Variants in SUSD1 observed in about 807,000 individuals in gnomAD.
The protein encoded by SUSD1 is sushi domain containing 1.
Under a neutral mutation model 86.9 loss-of-function variants are expected in SUSD1, and 65 were observed. That is an observed-to-expected ratio of 0.75 (90% CI 0.61 to 0.92). The LOEUF (loss-of-function observed/expected upper bound fraction) is 0.92, where lower values mean the gene tolerates loss of function less well. Ranked by LOEUF, SUSD1 falls within the 40% of genes least tolerant of loss-of-function variation. The pLI is 0.00. For synonymous variants in SUSD1, 346 were observed against 350.0 expected, an observed-to-expected ratio of 0.99 and a Z score of 0.13; for missense variants, 850 against 929.7, an observed-to-expected ratio of 0.91 and a Z score of 1.11.
At chr9:112,140,742 A>G (rs1278589156) in intron 5 of SUSD1, among the ~76,000 whole-genome samples, 1 of 152,192 alleles carries the variant, frequency 6.6e-6, no homozygotes, top group Non-Finnish European at 1.5e-5. Flanking sequence ...TCATTTAACA[A>G]TCTGCATACA....
intron 10 of SUSD1, among the ~76,000 whole-genome samples, chr9:112,082,879 G>A (rs1357336407): frequency 2.0e-5 from 3 of 151,790 alleles, no homozygotes; most frequent in East Asian, 1.9e-4. Context: ...CACCACGTCC[G>A]GCTTATTTTT....
intron 12 of SUSD1, among the ~76,000 whole-genome samples, chr9:112,070,861 A>G (rs1369079993): frequency 6.6e-6 from 1 of 152,274 alleles, no homozygotes; most frequent in African/African-American, 2.4e-5. Context: ...ATGGATGGTC[A>G]GTAGTTCCAA....
intron 9 of SUSD1, among the ~76,000 whole-genome samples, chr9:112,101,330 C>T (rs1830627095): frequency 6.6e-6 from 1 of 152,050 alleles, no homozygotes; most frequent in South Asian, 2.1e-4. Context: ...TCCCTGCACT[C>T]CAACCTGGGT....
chr9:112,175,068 CAG>C lies in SUSD1; in HGVS notation c.103+63_103+64del, dbSNP rs904275390. The C allele has an allele frequency of 3.5e-5, 35 of 993,482 alleles. No individual in the cohort carries two copies. The African/African-American group carries it at 5.6e-4, about 16-fold the overall frequency. The allele number at this position is 993,482 out of a possible 1,614,324, so 61.5% of individuals were successfully genotyped here. A position where few individuals can be genotyped will look rare whatever the true frequency, so the allele number is the denominator to read the frequency against. On this transcript the variant is annotated intron_variant, in intron 1 of 16. Coordinates refer to ENST00000374270, the MANE Select transcript of SUSD1 (RefSeq NM_022486.5). The surrounding 1 kb of genome is among the most constrained non-coding windows in gnomAD (Gnocchi z 4.7). ...AGGGGCGGGGAAGCGTCCGTGCGCCCAGAGTCCTCGAGGCCCAGCCGGGGGCC... is the reference window on the plus strand; with the variant it reads ...AGGGGCGGGGAAGCGTCCGTGCGCCCAGTCCTCGAGGCCCAGCCGGGGGCC...
At chr9:112,136,435 T>G (rs1832268931) in intron 5 of SUSD1, among the ~76,000 whole-genome samples, 1 of 152,150 alleles carries the variant, frequency 6.6e-6, no homozygotes, top group African/African-American at 2.4e-5. Flanking sequence ...GGTCTCACTA[T>G]GTTTTCCGGG....
chr9:112,120,369 A>G (rs574820664), intron 6 of SUSD1, among the ~76,000 whole-genome samples: 1 of 152,290 alleles, frequency 6.6e-6, no homozygotes, highest in Admixed American at 6.5e-5. Context: ...TAACAAGTGA[A>G]AAACAGGGAA....
At chr9:112,055,546 C>T (rs772310210) in intron 14 of SUSD1, among the ~76,000 whole-genome samples, 4 of 152,146 alleles carry the variant, frequency 2.6e-5, no homozygotes, top group Non-Finnish European at 4.4e-5. Context: ...GGAAGCCCTA[C>T]GCACTGCTGG....
At position 112,142,263 on chromosome 9, in the gene SUSD1, T is replaced by C. The variant is rs1453635755; in HGVS notation, c.706+57A>G. The C allele has an allele frequency of 1.5e-5, 21 of 1,375,180 alleles. No homozygotes were observed. The East Asian group carries it at 5.1e-4, about 33-fold the overall frequency. The allele number at this position is 1,375,180 out of a possible 1,614,324, so 85.2% of individuals were successfully genotyped here. On this transcript the variant is annotated intron_variant, in intron 5 of 16. Transcript: ENST00000374270. ...CCTGAAACTGAAATTTAGAGAAAAA[T>C]ATGAAAACAGTTTCAAGGTGGTATG...
intron 1 of SUSD1, among the ~76,000 whole-genome samples, chr9:112,171,166 G>C (rs1834031213): frequency 6.6e-6 from 1 of 152,186 alleles, no homozygotes; most frequent in South Asian, 2.1e-4. Flanking sequence ...AGAAAAGCCA[G>C]ATATGGCCCT....
In SUSD1 at chr9:112,124,311, T is replaced by C. The variant is rs1326722514; in HGVS notation, c.832A>G (p.Thr278Ala). Residue 278 changes from threonine to alanine, a missense_variant, in exon 6 of 17, where the codon ACT becomes GCT. Transcript: ENST00000374270. ...EGFESPGGKI[T>A]SVCTEKGTWR... ...GTGCCTTTCTCTGTGCAAACAGAAG[T>C]GATCTTTCCTCCAGGGCTCTCAAAG... 6.2e-7 allele frequency: 1 copy of C among 1,614,138 alleles called. No homozygotes were observed. Among genetic ancestry groups the C allele is most frequent in the Admixed American group, 1.7e-5 (1 of 60,016 alleles).
At chr9:112,173,882 T>G (rs941995336) in intron 1 of SUSD1, 4 of 289,404 alleles carry the variant, frequency 1.4e-5, no homozygotes, top group Non-Finnish European at 2.7e-5. Context: ...CTTTAAAAGA[T>G]TCGTATCTTT....
At chr9:112,120,952 C>T (rs990672692) in intron 6 of SUSD1, among the ~76,000 whole-genome samples, 1 of 152,234 alleles carries the variant, frequency 6.6e-6, no homozygotes, top group Non-Finnish European at 1.5e-5. Context: ...GGGAATACTT[C>T]CCCAAACATT....
intron 10 of SUSD1, among the ~76,000 whole-genome samples, chr9:112,086,191 G>C (rs1458956313): frequency 6.6e-6 from 1 of 151,048 alleles, no homozygotes; most frequent in Non-Finnish European, 1.5e-5. Flanking sequence ...GGTGGCGGGA[G>C]CCTGTAGTAC....
Position 112,045,100 on chromosome 9 carries a change from A to AT in SUSD1, c.2150-3141dup, listed in dbSNP as rs1218228074. 2.6e-5 allele frequency among the ~76,000 whole-genome samples: 4 copies of AT among 152,204 alleles called. No homozygotes were observed. The East Asian group carries it at 7.7e-4, about 29-fold the overall frequency. Reference sequence around the variant, plus strand: ...CCATCTTTGTGCATGACTCAGAAACATTTTTTTAAATGCCATCTTGGTGGA... The same window carrying AT: ...CCATCTTTGTGCATGACTCAGAAACATTTTTTTTAAATGCCATCTTGGTGGA... On this transcript the variant is annotated intron_variant, in intron 15 of 16. Transcript: ENST00000374270.
chr9:112,163,700 T>C lies in SUSD1; in HGVS notation c.104-6087A>G, dbSNP rs1348265576. ...TATAAAGATGCAGAGATTATATAGA[T>C]CCATTTGCAAAAACTCAGCTGGGCA... On this transcript the variant is annotated intron_variant, in intron 1 of 16. Transcript: ENST00000374270. Among the ~76,000 whole-genome samples, 5 of 151,424 alleles carry C rather than the reference T, an allele frequency of 3.3e-5. No homozygotes were observed. In the South Asian group the frequency reaches 8.3e-4, roughly 25 times the overall value.
chr9:112,079,577 T>C (rs910430642), intron 11 of SUSD1, among the ~76,000 whole-genome samples: 4 of 150,886 alleles, frequency 2.7e-5, no homozygotes, highest in African/African-American at 4.9e-5. Flanking sequence ...TTTCTTCCAG[T>C]AGAAGTTCAT....
At chr9:112,154,536 A>G (rs914551864) in intron 2 of SUSD1, among the ~76,000 whole-genome samples, 3 of 152,022 alleles carry the variant, frequency 2.0e-5, no homozygotes. Flanking sequence ...CAAACAAAAA[A>G]AACTATCTTT....
chr9:112,155,212 C>A (rs544152039), intron 2 of SUSD1, among the ~76,000 whole-genome samples: 31 of 151,794 alleles, frequency 2.0e-4, no homozygotes, highest in African/African-American at 7.5e-4. Context: ...GATCGCACCA[C>A]CGCACTTCAG....
rs147302407 is a variant in SUSD1 at position 112,063,187 on chromosome 9, A to C, written c.1754-154T>G. Among the ~76,000 whole-genome samples the C allele has an allele frequency of 6.8e-4, 104 of 152,366 alleles. 3 individuals carry two copies. In the East Asian group the frequency reaches 0.018, roughly 26 times the overall value. ...TGCCACAATGTGGAAGAACATGCTAAGTGAAATACACCAGGCACAAAAGGA... is the reference window on the plus strand; with the variant it reads ...TGCCACAATGTGGAAGAACATGCTACGTGAAATACACCAGGCACAAAAGGA... On this transcript the variant is annotated intron_variant, in intron 12 of 16. Transcript: ENST00000374270.
Sources: allele counts gnomAD v4.1 joint callset (sites outside exome capture counted in the v4.1 genomes callset), GRCh38; gene constraint gnomAD v4.1.1; non-coding constraint Gnocchi (gnomAD v3.1); transcripts MANE v1.5; gene names NCBI Gene and HGNC (gene_info 2026-07-23, HGNC 2026-07-21).